ESR1: variants seen among roughly 807,000 people sequenced by gnomAD.
ESR1 encodes estrogen receptor 1, also known as estrogen receptor.
ESR1 carries 12 observed loss-of-function variants against 52.7 expected under a neutral mutation model. The observed-to-expected ratio is 0.23, with a 90% CI of 0.15 to 0.37. The LOEUF is 0.37. Among genes scored for constraint, ESR1 ranks in the 10% least tolerant of loss-of-function variants. The probability of loss-of-function intolerance (pLI) is 1.00; values close to 1 mark genes in which losing one functional copy is unlikely to be tolerated. For synonymous variants in ESR1, 305 were observed against 316.8 expected (o/e 0.96, Z 0.39); for missense variants, 584 against 779.7 (o/e 0.75, Z 2.99).
At chr6:151,882,919 A>T (rs537073382) in intron 3 of ESR1, among the ~76,000 whole-genome samples, 1 of 152,282 alleles carries the variant, frequency 6.6e-6, no homozygotes, top group African/African-American at 2.4e-5. Flanking sequence ...GACTGTACAC[A>T]ACAGACTGTG....
chr6:152,049,964 A>G (rs1585006790), intron 5 of ESR1, among the ~76,000 whole-genome samples: 1 of 152,192 alleles, frequency 6.6e-6, no homozygotes, highest in African/African-American at 2.4e-5. Flanking sequence ...TTTGTTTTCA[A>G]CAAGTATGGA....
chr6:151,936,334 G>A (rs537604563), intron 3 of ESR1: 1 of 152,274 alleles, frequency 6.6e-6, no homozygotes, highest in Non-Finnish European at 1.5e-5. Flanking sequence ...AGAAGTTGGG[G>A]GGTGGTAAAT....
rs1221934166 is a variant in ESR1, at chr6:151,842,795, T to G, written c.643+8T>G. On this transcript the variant is annotated splice_region_variant and intron_variant, in intron 2 of 7. Coordinates refer to ENST00000206249, the MANE Select transcript of ESR1 (RefSeq NM_000125.4). Reference sequence around the variant, plus strand: ...TCAAGAGAAGTATTCAAGGTAATAGTGTGTTGAAAACGACTTCTATTTTTG... The same window carrying G: ...TCAAGAGAAGTATTCAAGGTAATAGGGTGTTGAAAACGACTTCTATTTTTG... The G allele has an allele frequency of 1.9e-6, 3 of 1,613,296 alleles. No individual in the cohort carries two copies. Among genetic ancestry groups the G allele is most frequent in the Non-Finnish European group, 2.5e-6 (3 of 1,179,372 alleles).
chr6:152,095,395 C>T (rs1212024181), intron 7 of ESR1, among the ~76,000 whole-genome samples: 1 of 152,160 alleles, frequency 6.6e-6, no homozygotes, highest in Non-Finnish European at 1.5e-5. Flanking sequence ...GGTCAGCCCT[C>T]CTGACCTCAG....
At chr6:152,001,980 C>CAG (rs2041983959) in intron 4 of ESR1, among the ~76,000 whole-genome samples, 1 of 151,978 alleles carries the variant, frequency 6.6e-6, no homozygotes, top group East Asian at 1.9e-4. Context: ...TAGGGCTTTT[C>CAG]TCTGGCTTCC....
rs1380337312 is a variant in ESR1 at position 152,053,664 on chromosome 6, C to T, written c.1236-7327C>T. ...TCTGTCTCTGTCTGCCTCTCTCTCT[C>T]TCTCTCTCTTCCCTAGTGAGCTCAC... On this transcript the variant is annotated intron_variant, in intron 5 of 7. Coordinates refer to ENST00000206249, the MANE Select transcript of ESR1 (RefSeq NM_000125.4). The surrounding 1 kb of genome is among the most constrained non-coding windows in gnomAD (Gnocchi z 4.1). Among the ~76,000 whole-genome samples the T allele has an allele frequency of 3.9e-5, 6 of 151,960 alleles. No individual in the cohort carries two copies.
intron 2 of ESR1, among the ~76,000 whole-genome samples, chr6:151,734,941 A>G (rs932496513): frequency 6.6e-6 from 1 of 152,160 alleles, no homozygotes; most frequent in African/African-American, 2.4e-5. Context: ...AAAGATTTAA[A>G]AAAATGTGAA....
At chr6:151,876,636 C>T (rs1399640490) in intron 2 of ESR1, among the ~76,000 whole-genome samples, 1 of 152,134 alleles carries the variant, frequency 6.6e-6, no homozygotes, top group Admixed American at 6.6e-5. Flanking sequence ...TGGGGAAAAG[C>T]TGAATGTGGG....
At chr6:152,018,137 C>T (rs1296803236) in intron 5 of ESR1, among the ~76,000 whole-genome samples, 1 of 152,014 alleles carries the variant, frequency 6.6e-6, no homozygotes, top group Non-Finnish European at 1.5e-5. Context: ...AATTCTCCTC[C>T]TTAAGAGAAA....
At chr6:151,661,671 A>G (rs1777642117) in intron 1 of ESR1, among the ~76,000 whole-genome samples, 1 of 152,120 alleles carries the variant, frequency 6.6e-6, no homozygotes, top group Non-Finnish European at 1.5e-5. Flanking sequence ...CCCAAATCTT[A>G]TCTTGAATTG....
At chr6:151,812,292 G>C (rs930640326) in intron 1 of ESR1, among the ~76,000 whole-genome samples, 1 of 152,032 alleles carries the variant, frequency 6.6e-6, no homozygotes, top group African/African-American at 2.4e-5. Flanking sequence ...TATTTGTTTT[G>C]GTGCTTTCAT....
chr6:151,778,407 CTTT>C lies in ESR1; in HGVS notation c.-70-29422_-70-29420del, dbSNP rs34516184. On this transcript the variant is annotated intron_variant, in intron 2 of 2. Coordinates refer to the ESR1 transcript ENST00000404742. ...CATTTTATGTTATGTATATTTACAA[CTTT>C]TTTTTTTTTTTTTGAGACAGTGTCT... is the stretch of plus-strand genomic sequence containing the variant. 1.5e-4 allele frequency among the ~76,000 whole-genome samples: 22 copies of C among 142,626 alleles called. No homozygotes were observed. The South Asian group carries it at 1.6e-3, about 10-fold the overall frequency. The allele number at this position is 142,626 out of a possible 152,430, so 93.6% of individuals were successfully genotyped here.
At chr6:151,751,437 C>T (rs549122983) in intron 2 of ESR1, among the ~76,000 whole-genome samples, 4 of 152,206 alleles carry the variant, frequency 2.6e-5, no homozygotes, top group East Asian at 3.9e-4. Flanking sequence ...CATCATAGAA[C>T]GCATGTAATG....
Position 151,844,888 on chromosome 6 carries a change from C to T in ESR1, c.643+2101C>T, listed in dbSNP as rs563265765. On this transcript the variant is annotated intron_variant, in intron 2 of 7. Transcript: ENST00000206249. Reference sequence around the variant, plus strand: ...AAATTTATTTGAGGAAGTAAATGTACTTGTTCTCATGATACAATCAGAAAG... The same window carrying T: ...AAATTTATTTGAGGAAGTAAATGTATTTGTTCTCATGATACAATCAGAAAG... Among the ~76,000 whole-genome samples the T allele has an allele frequency of 1.1e-3, 160 of 151,940 alleles. 2 individuals are homozygous for T. Among genetic ancestry groups the T allele is most frequent in the South Asian group, 5.6e-3 (27 of 4,816 alleles).
At chr6:151,964,412 T>C (rs545249524) in intron 4 of ESR1, among the ~76,000 whole-genome samples, 26 of 152,294 alleles carry the variant, frequency 1.7e-4, no homozygotes, top group African/African-American at 6.0e-4. Flanking sequence ...TTACCCCAAG[T>C]ATTTTGCTGT....
chr6:151,669,193 G>GAGA (rs1562319611), intron 1 of ESR1, among the ~76,000 whole-genome samples: 1 of 49,068 alleles, frequency 2.0e-5, no homozygotes. Context: ...AGAGAGATGG[G>GAGA]AATCCAGGGG....
chr6:151,819,999 G>A (rs978814557), intron 1 of ESR1, among the ~76,000 whole-genome samples: 23 of 152,206 alleles, frequency 1.5e-4, no homozygotes, highest in African/African-American at 5.5e-4. Context: ...TTATGGTTGA[G>A]TGAGGGAGAT....
chr6:152,084,616 G>A (rs2049537719), intron 6 of ESR1, among the ~76,000 whole-genome samples: 1 of 150,674 alleles, frequency 6.6e-6, no homozygotes, highest in African/African-American at 2.4e-5. Flanking sequence ...CAGTTCCCAG[G>A]ATGGACTGCA....
rs190234226 is a variant in ESR1, at chr6:151,731,411, T to G, written c.-71+29406T>G. On this transcript the variant is annotated intron_variant, in intron 2 of 2. Transcript: ENST00000404742. ...AGATAAGTTTTTTGGGGGGTTTGCT[T>G]TTAATTCTTTGGAAGAACTGGGCTT... Among the ~76,000 whole-genome samples the G allele has an allele frequency of 6.3e-3, 952 of 151,974 alleles. 15 individuals are homozygous for G. The highest frequency in any genetic ancestry group is 0.022 in the African/African-American group (914 of 41,456).
Sources: allele counts gnomAD v4.1 joint callset (sites outside exome capture counted in the v4.1 genomes callset), GRCh38; gene constraint gnomAD v4.1.1; non-coding constraint Gnocchi (gnomAD v3.1); transcripts MANE v1.5; gene names NCBI Gene and HGNC (gene_info 2026-07-23, HGNC 2026-07-21).